The following DDAH1 variants were observed in gnomAD, a reference collection of about 807,000 sequenced individuals.
The protein encoded by DDAH1 is dimethylarginine dimethylaminohydrolase 1.
In DDAH1, 19 loss-of-function variants were observed where a neutral mutation model predicts 28.8. The ratio of observed to expected loss-of-function variants is 0.66; its 90% CI spans 0.46 to 0.97. The LOEUF is 0.97. DDAH1 is among the 50% of genes least tolerant of loss of function. DDAH1 has a pLI of 0.00. For synonymous variants in DDAH1, 153 were observed against 154.4 expected (o/e 0.99, Z 0.07); for missense variants, 326 against 375.9 (o/e 0.87, Z 1.10).
intron 1 of DDAH1, among the ~76,000 whole-genome samples, chr1:85,502,294 C>T (rs12060378): frequency 0.41 from 61,897 of 151,980 alleles, 13,164 homozygotes; most frequent in Admixed American, 0.51. Flanking sequence ...TGCCCAACAA[C>T]GAGAGGAAAC....
chr1:85,547,634 A>G (rs1658666647), intron 1 of DDAH1, among the ~76,000 whole-genome samples: 1 of 152,230 alleles, frequency 6.6e-6, no homozygotes, highest in Non-Finnish European at 1.5e-5. Context: ...CGAAGTGACA[A>G]AAGTGGTTTA....
chr1:85,536,489 G>A lies in DDAH1; in HGVS notation c.-122-40208C>T, dbSNP rs1395630761. 2.6e-5 allele frequency among the ~76,000 whole-genome samples: 4 copies of A among 152,132 alleles called. No individual in the cohort carries two copies. In the East Asian group the frequency reaches 5.8e-4, roughly 22 times the overall value. Reference sequence around the variant, plus strand: ...AATCGCTTGAACCCGGGAGGCGAAGGTTGCAGTGAGCCGAGATCACGCCAA... The same window carrying A: ...AATCGCTTGAACCCGGGAGGCGAAGATTGCAGTGAGCCGAGATCACGCCAA... On this transcript the variant is annotated intron_variant, in intron 1 of 6. Transcript: ENST00000426972.
At chr1:85,507,451 C>T (rs1302400695) in intron 1 of DDAH1, among the ~76,000 whole-genome samples, 1 of 151,856 alleles carries the variant, frequency 6.6e-6, no homozygotes, top group African/African-American at 2.4e-5. Flanking sequence ...TGGAGTGAGC[C>T]ATGTTTGTGC....
chr1:85,464,791 C>T lies in DDAH1; in HGVS notation c.255G>A (p.Glu85=). The T allele has an allele frequency of 6.3e-7, 1 of 1,582,396 alleles. No homozygotes were observed. ...VFVEDVAVVC[E]ETALITRPGA... ...CGGGTCGGGTGATGAGGGCCGTCTC[C>T]TCGCACACCACGGCCACGTCCTCCA... The change falls in exon 1 of 6, where the codon GAG becomes GAA. Residue 85 remains glutamate (E), a synonymous_variant. Coordinates refer to ENST00000284031, the MANE Select transcript of DDAH1 (RefSeq NM_012137.4). This position sits in a 1 kb window ranked among gnomAD's most constrained non-coding sequence, Gnocchi z 4.4.
intron 1 of DDAH1, among the ~76,000 whole-genome samples, chr1:85,554,368 C>T (rs1187940906): frequency 6.8e-6 from 1 of 146,234 alleles, no homozygotes; most frequent in Non-Finnish European, 1.5e-5. Context: ...CCAAAGACCT[C>T]TAGTATTCTT....
chr1:85,516,207 GT>G (rs1284929741), intron 1 of DDAH1, among the ~76,000 whole-genome samples: 1 of 152,014 alleles, frequency 6.6e-6, no homozygotes, highest in African/African-American at 2.4e-5. Context: ...GGAGACTACA[GT>G]TCAGCCCATA....
intron 1 of DDAH1, among the ~76,000 whole-genome samples, chr1:85,390,505 C>G (rs1651496074): frequency 6.6e-6 from 1 of 152,114 alleles, no homozygotes; most frequent in African/African-American, 2.4e-5. Context: ...AGATTAGACT[C>G]CATAAAAACT....
intron 4 of DDAH1, among the ~76,000 whole-genome samples, chr1:85,336,250 C>G (rs1046493050): frequency 6.6e-6 from 1 of 151,978 alleles, no homozygotes; most frequent in Non-Finnish European, 1.5e-5. Context: ...TATTAGGCCC[C>G]AAACAAGTAT....
chr1:85,404,678 C>T (rs1005273269), intron 1 of DDAH1: 8 of 407,034 alleles, frequency 2.0e-5, no homozygotes, highest in South Asian at 1.0e-4. Context: ...ATAGCTTTTC[C>T]GTTCTTGGTG....
At chr1:85,413,344 G>C (rs1022594682) in intron 1 of DDAH1, among the ~76,000 whole-genome samples, 1 of 152,320 alleles carries the variant, frequency 6.6e-6, no homozygotes, top group East Asian at 1.9e-4. Context: ...TGAAAGTTTG[G>C]ATTCCTGTGT....
intron 1 of DDAH1, among the ~76,000 whole-genome samples, chr1:85,567,890 A>G (rs1449344022): frequency 1.3e-5 from 2 of 152,222 alleles, no homozygotes; most frequent in Non-Finnish European, 2.9e-5. Flanking sequence ...TCCACCCACA[A>G]TAGCAGACTA....
chr1:85,500,451 C>G (rs187426762), intron 1 of DDAH1, among the ~76,000 whole-genome samples: 1 of 152,050 alleles, frequency 6.6e-6, no homozygotes. Flanking sequence ...CTGGGTCTTG[C>G]GCAGAATGAG....
At chr1:85,461,437 A>C (rs567172974) in intron 1 of DDAH1, among the ~76,000 whole-genome samples, 73 of 152,330 alleles carry the variant, frequency 4.8e-4, no homozygotes, top group African/African-American at 1.6e-3. Context: ...ATGAAACACG[A>C]TGTTTTGATT....
chr1:85,564,922 C>T (rs576233667), intron 1 of DDAH1, among the ~76,000 whole-genome samples: 12 of 150,554 alleles, frequency 8.0e-5, no homozygotes, highest in African/African-American at 2.4e-4. Flanking sequence ...CGTGGCCAGG[C>T]GCAGTGGCTC....
intron 4 of DDAH1, among the ~76,000 whole-genome samples, chr1:85,347,630 G>C (rs1052903008): frequency 6.6e-6 from 1 of 151,912 alleles, no homozygotes; most frequent in Non-Finnish European, 1.5e-5. Flanking sequence ...ATGGGGGAGG[G>C]TGGAGGGATA....
At chr1:85,550,029 C>T (rs1387412662) in intron 1 of DDAH1, among the ~76,000 whole-genome samples, 1 of 152,114 alleles carries the variant, frequency 6.6e-6, no homozygotes, top group Non-Finnish European at 1.5e-5. Context: ...AATGTAGCTA[C>T]AGTGTCATAA....
intron 4 of DDAH1, among the ~76,000 whole-genome samples, chr1:85,333,908 A>G (rs1647939846): frequency 6.6e-6 from 1 of 152,234 alleles, no homozygotes; most frequent in Admixed American, 6.5e-5. Flanking sequence ...AAGTCTAGCA[A>G]GAGATTTAGA....
intron 2 of DDAH1, chr1:85,494,112 G>A (rs572759931): frequency 1.3e-5 from 2 of 152,228 alleles, no homozygotes; most frequent in East Asian, 1.9e-4. Context: ...CAGAATATGA[G>A]GAAGCATCTT....
chr1:85,508,049 C>A (rs1054030503), intron 1 of DDAH1, among the ~76,000 whole-genome samples: 3 of 152,110 alleles, frequency 2.0e-5, no homozygotes, highest in Non-Finnish European at 2.9e-5. Context: ...AAATTTGTCC[C>A]GTATTAGTGA....
Sources: allele counts gnomAD v4.1 joint callset (sites outside exome capture counted in the v4.1 genomes callset), GRCh38; gene constraint gnomAD v4.1.1; non-coding constraint Gnocchi (gnomAD v3.1); transcripts MANE v1.5; gene names NCBI Gene and HGNC (gene_info 2026-07-23, HGNC 2026-07-21).